DLG2: variants seen among roughly 807,000 people sequenced by gnomAD.
The protein encoded by DLG2 is disks large homolog 2.
A neutral mutation model predicts 132.5 loss-of-function variants in DLG2; 45 were observed. The observed-to-expected ratio is 0.34, with a 90% CI of 0.27 to 0.44. The LOEUF (loss-of-function observed/expected upper bound fraction) is 0.44. Ranked by LOEUF, DLG2 falls within the 20% of genes least tolerant of loss-of-function variation. DLG2 has a pLI of 1.00. For synonymous variants in DLG2, 424 were observed against 419.6 expected, an observed-to-expected ratio of 1.01 and a Z score of -0.13; for missense variants, 1,045 against 1,196.9, an observed-to-expected ratio of 0.87 and a Z score of 1.87.
intron 6 of DLG2, among the ~76,000 whole-genome samples, chr11:84,846,654 C>T (rs1346464631): frequency 6.6e-6 from 1 of 152,088 alleles, no homozygotes; most frequent in Admixed American, 6.6e-5. Context: ...CCAATCAATC[C>T]TGTTGCTTCT....
intron 18 of DLG2, among the ~76,000 whole-genome samples, chr11:83,696,267 T>C (rs577425393): frequency 3.9e-5 from 6 of 152,274 alleles, no homozygotes; most frequent in African/African-American, 1.4e-4. Context: ...AAATCTGGGC[T>C]GGAGGTAATG....
chr11:85,409,687 T>TG (rs776568034), intron 3 of DLG2, among the ~76,000 whole-genome samples: 14 of 151,818 alleles, frequency 9.2e-5, no homozygotes, highest in South Asian at 2.1e-4. Flanking sequence ...GTTATATATC[T>TG]GGGGGGGTGG....
At chr11:83,850,538 C>G (rs759461291) in intron 16 of DLG2, among the ~76,000 whole-genome samples, 31 of 151,992 alleles carry the variant, frequency 2.0e-4, no homozygotes, top group Admixed American at 3.9e-4. Context: ...TAAGGAAAAG[C>G]ATAAATTAAG....
intron 22 of DLG2, among the ~76,000 whole-genome samples, chr11:83,481,426 C>T (rs1240549798): frequency 2.0e-5 from 3 of 151,942 alleles, no homozygotes. Flanking sequence ...CTATAAATAA[C>T]ATCAGTTTTT....
At chr11:83,904,474 C>A (rs1031325285) in intron 15 of DLG2, among the ~76,000 whole-genome samples, 4 of 152,040 alleles carry the variant, frequency 2.6e-5, no homozygotes, top group Non-Finnish European at 4.4e-5. Flanking sequence ...AAATAATGAT[C>A]TTATAAAACA....
rs2053994594 is a variant in DLG2 at position 83,829,946 on chromosome 11, T to C, written c.1722+3668A>G. ...GGTGTGTGATGTTCGCCATCCTGTGTCCAAGTGTTCTCATTGTTCAATTCC... is the reference window on the plus strand; with the variant it reads ...GGTGTGTGATGTTCGCCATCCTGTGCCCAAGTGTTCTCATTGTTCAATTCC... On this transcript the variant is annotated intron_variant, in intron 17 of 27. Coordinates refer to ENST00000376104, the MANE Select transcript of DLG2 (RefSeq NM_001142699.3). 2.0e-5 allele frequency among the ~76,000 whole-genome samples: 3 copies of C among 152,102 alleles called. No homozygotes were observed. In the South Asian group the frequency reaches 6.2e-4, roughly 32 times the overall value.
At chr11:84,237,489 T>A (rs906636805) in intron 8 of DLG2, among the ~76,000 whole-genome samples, 1 of 152,192 alleles carries the variant, frequency 6.6e-6, no homozygotes, top group African/African-American at 2.4e-5. Flanking sequence ...AGATTGGTAA[T>A]GTTTCAGTTT....
At chr11:84,234,413 AC>A (rs1253883188) in intron 8 of DLG2, among the ~76,000 whole-genome samples, 9 of 152,202 alleles carry the variant, frequency 5.9e-5, no homozygotes, top group African/African-American at 1.9e-4. Flanking sequence ...TTGCTGCAGA[AC>A]CCCGTATGGA....
chr11:85,530,610 C>G (rs554143121), intron 3 of DLG2, among the ~76,000 whole-genome samples: 1 of 152,240 alleles, frequency 6.6e-6, no homozygotes, highest in East Asian at 1.9e-4. Context: ...TACGAGCCAC[C>G]ACACCTGGCT....
chr11:83,798,343 A>T (rs2043391192), intron 17 of DLG2, among the ~76,000 whole-genome samples: 1 of 152,184 alleles, frequency 6.6e-6, no homozygotes, highest in East Asian at 1.9e-4. Flanking sequence ...GTTTAAGCAA[A>T]TAAAATGCTT....
intron 6 of DLG2, among the ~76,000 whole-genome samples, chr11:84,699,844 C>T (rs940432066): frequency 5.3e-5 from 8 of 151,546 alleles, no homozygotes; most frequent in African/African-American, 1.9e-4. Flanking sequence ...AAACCTCATG[C>T]ACTCATGAAA....
intron 19 of DLG2, among the ~76,000 whole-genome samples, chr11:83,578,907 T>C (rs2096924940): frequency 1.3e-5 from 2 of 152,238 alleles, no homozygotes; most frequent in African/African-American, 4.8e-5. Context: ...CAAAGAATGT[T>C]CTCAGACCAC....
intron 6 of DLG2, among the ~76,000 whole-genome samples, chr11:84,813,410 T>G (rs2076778373): frequency 6.6e-6 from 1 of 152,068 alleles, no homozygotes; most frequent in Non-Finnish European, 1.5e-5. Context: ...AGAAGATGAT[T>G]AACACCCTCC....
chr11:85,084,574 T>C (rs967985289), intron 6 of DLG2, among the ~76,000 whole-genome samples: 5 of 151,826 alleles, frequency 3.3e-5, no homozygotes, highest in Non-Finnish European at 7.4e-5. Context: ...TAGTATCAAC[T>C]AAAAGTGTAA....
At chr11:85,276,323 A>C (rs2077889853) in intron 4 of DLG2, among the ~76,000 whole-genome samples, 1 of 152,162 alleles carries the variant, frequency 6.6e-6, no homozygotes, top group South Asian at 2.1e-4. Flanking sequence ...ACAGAATTTC[A>C]CTATTACAAG....
At chr11:84,757,964 C>G (rs532338611) in intron 6 of DLG2, among the ~76,000 whole-genome samples, 1 of 152,154 alleles carries the variant, frequency 6.6e-6, no homozygotes, top group South Asian at 2.1e-4. Context: ...CAGAAGTCAA[C>G]TAAAATCATA....
At chr11:84,607,464 G>T (rs926945469) in intron 6 of DLG2, among the ~76,000 whole-genome samples, 3 of 151,954 alleles carry the variant, frequency 2.0e-5, no homozygotes, top group African/African-American at 7.2e-5. Flanking sequence ...TAAGATTTTT[G>T]GGGGGGCAGG....
chr11:84,954,988 A>G (rs1221452550), intron 6 of DLG2, among the ~76,000 whole-genome samples: 2 of 152,212 alleles, frequency 1.3e-5, no homozygotes, highest in Non-Finnish European at 2.9e-5. Context: ...AACCTCTATC[A>G]CAATTACCCT....
At chr11:83,840,924 C>G (rs997269901) in intron 16 of DLG2, among the ~76,000 whole-genome samples, 3 of 152,154 alleles carry the variant, frequency 2.0e-5, no homozygotes, top group Non-Finnish European at 4.4e-5. Context: ...CTGTAATACC[C>G]TTTTATCTTA....
Sources: gnomAD v4.1 joint callset for allele counts (sites outside exome capture counted in the v4.1 genomes callset) on GRCh38, gnomAD v4.1.1 for gene constraint, MANE v1.5 for transcripts, NCBI Gene and HGNC (gene_info 2026-07-23, HGNC 2026-07-21) for gene names.